The following IQSEC1 variants were observed in gnomAD, a reference collection of about 807,000 sequenced individuals.
IQSEC1 encodes IQ motif and Sec7 domain ArfGEF 1.
A neutral mutation model predicts 91.0 loss-of-function variants in IQSEC1; 31 were observed. The observed-to-expected ratio is 0.34, with a 90% CI of 0.26 to 0.46. The LOEUF (loss-of-function observed/expected upper bound fraction) is 0.46. Ranked by LOEUF, IQSEC1 falls within the 20% of genes least tolerant of loss-of-function variation. The probability of loss-of-function intolerance (pLI) is 1.00; values close to 1 mark genes in which losing one functional copy is unlikely to be tolerated. For synonymous variants in IQSEC1, 699 were observed against 662.6 expected, an observed-to-expected ratio of 1.05 and a Z score of -0.84; for missense variants, 1,388 against 1,575.6, an observed-to-expected ratio of 0.88 and a Z score of 2.02.
chr3:13,148,245 T>C (rs947345757), intron 2 of IQSEC1, among the ~76,000 whole-genome samples: 5 of 152,016 alleles, frequency 3.3e-5, no homozygotes, highest in South Asian at 2.1e-4. Context: ...GAGAGCACCA[T>C]AGAGACACTC....
At position 12,909,919 on chromosome 3, in the gene IQSEC1, G is replaced by C. The variant is rs1695404784; in HGVS notation, c.2417-485C>G. Among the ~76,000 whole-genome samples, 1 of 152,252 alleles carries C rather than the reference G, an allele frequency of 6.6e-6. No homozygotes were observed. Among genetic ancestry groups the C allele is most frequent in the Non-Finnish European group, 1.5e-5 (1 of 68,042 alleles). On this transcript the variant is annotated intron_variant, in intron 10 of 13. Coordinates refer to ENST00000613206, the MANE Select transcript of IQSEC1 (RefSeq NM_001134382.3). This position sits in a 1 kb window ranked among gnomAD's most constrained non-coding sequence, Gnocchi z 4.9. Reference sequence around the variant, plus strand: ...GGGGCTTTGGTCTCCTGGCGGTGCTGCTCCGGCAGTGGGAGTCACTGGCAG... The same window carrying C: ...GGGGCTTTGGTCTCCTGGCGGTGCTCCTCCGGCAGTGGGAGTCACTGGCAG...
chr3:13,109,704 A>G lies in IQSEC1; in HGVS notation c.302+54400T>C, dbSNP rs549883972. On this transcript the variant is annotated intron_variant, in intron 2 of 15. Coordinates refer to the IQSEC1 transcript ENST00000648114. Reference sequence around the variant, plus strand: ...TTCTCTTCCTTCACCTTCCACCATGAGTGGAAGCTCCCTGAGGCCTCCCTA... The same window carrying G: ...TTCTCTTCCTTCACCTTCCACCATGGGTGGAAGCTCCCTGAGGCCTCCCTA... Among the ~76,000 whole-genome samples, 32 of 151,256 alleles carry G rather than the reference A, an allele frequency of 2.1e-4. 1 individual carries two copies. The East Asian group carries it at 4.9e-3, about 23-fold the overall frequency.
chr3:12,978,003 T>G (rs1701269109), intron 1 of IQSEC1, among the ~76,000 whole-genome samples: 1 of 152,218 alleles, frequency 6.6e-6, no homozygotes, highest in South Asian at 2.1e-4. Context: ...TACTATGTGT[T>G]AGGCACTAGG....
chr3:13,007,127 T>C (rs1304083099), intron 1 of IQSEC1, among the ~76,000 whole-genome samples: 2 of 151,964 alleles, frequency 1.3e-5, no homozygotes, highest in African/African-American at 2.4e-5. Flanking sequence ...AAGGGTGGAG[T>C]GCAGGAGAGG....
chr3:13,264,885 T>C (rs1395497821), intron 1 of IQSEC1, among the ~76,000 whole-genome samples: 1 of 151,512 alleles, frequency 6.6e-6, no homozygotes, highest in African/African-American at 2.4e-5. Flanking sequence ...TCTCTCTGTC[T>C]CTCTCTGTCT....
chr3:12,982,535 C>T (rs1701515968), intron 1 of IQSEC1, among the ~76,000 whole-genome samples: 1 of 152,226 alleles, frequency 6.6e-6, no homozygotes, highest in African/African-American at 2.4e-5. Context: ...CTTTGAGAAA[C>T]ATTGCCATTA....
At chr3:12,901,668 G>T in intron 13 of IQSEC1, 146 bp from the exon 14 acceptor site, 1 of 717,250 alleles carries the variant, frequency 1.4e-6, no homozygotes, top group Admixed American at 2.7e-5. Context: ...GCTCAGTGAG[G>T]CTGGACTGGG....
At chr3:13,030,910 C>T (rs1703820018) in intron 1 of IQSEC1, among the ~76,000 whole-genome samples, 2 of 152,246 alleles carry the variant, frequency 1.3e-5, no homozygotes, top group African/African-American at 4.8e-5. Flanking sequence ...TCCACTTCCA[C>T]GCATGTTTCA....
In IQSEC1 at chr3:12,978,895, C is replaced by T. The variant is rs142824201; in HGVS notation, c.24-37030G>A. Among the ~76,000 whole-genome samples the T allele has an allele frequency of 9.2e-5, 14 of 152,170 alleles. No homozygotes were observed. In the East Asian group the frequency reaches 1.4e-3, roughly 15 times the overall value. ...GATTTGTGGCATGAATGGGAATTCA[C>T]CGGGTGGCCCAGCAGGATAAAGGCA... On this transcript the variant is annotated intron_variant, in intron 1 of 13. Transcript: ENST00000613206.
upstream of IQSEC1, among the ~76,000 whole-genome samples, chr3:13,076,451 G>A (rs773199069): frequency 2.6e-5 from 4 of 152,228 alleles, no homozygotes; most frequent in Non-Finnish European, 4.4e-5. Context: ...CATTCCTGCA[G>A]ATCGGCTCAC....
chr3:13,141,594 G>T (rs574978800), intron 2 of IQSEC1, among the ~76,000 whole-genome samples: 3 of 152,216 alleles, frequency 2.0e-5, no homozygotes, highest in African/African-American at 7.2e-5. Context: ...CAGGTGACCA[G>T]GGGAATTCAT....
At chr3:13,051,616 T>C (rs1038349808) in intron 1 of IQSEC1, among the ~76,000 whole-genome samples, 1 of 152,168 alleles carries the variant, frequency 6.6e-6, no homozygotes, top group Non-Finnish European at 1.5e-5. Context: ...TCAGTATCAA[T>C]TTACACGAAG....
At chr3:12,959,458 C>G (rs1262216219) in intron 1 of IQSEC1, among the ~76,000 whole-genome samples, 1 of 152,188 alleles carries the variant, frequency 6.6e-6, no homozygotes, top group Non-Finnish European at 1.5e-5. Context: ...GTTCTCCTAC[C>G]CTGACCCAGG....
chr3:13,028,518 A>G (rs984357059), intron 1 of IQSEC1, among the ~76,000 whole-genome samples: 1 of 152,208 alleles, frequency 6.6e-6, no homozygotes, highest in African/African-American at 2.4e-5. Flanking sequence ...AGAACTTGCT[A>G]AGGTGACCCC....
At chr3:13,050,067 G>A (rs1347442240) in intron 1 of IQSEC1, among the ~76,000 whole-genome samples, 5 of 78,334 alleles carry the variant, frequency 6.4e-5, no homozygotes, top group East Asian at 3.2e-4. Flanking sequence ...CCCACCCCCC[G>A]CCCCAGAAAT....
intron 1 of IQSEC1, among the ~76,000 whole-genome samples, chr3:13,013,821 A>G (rs1370555525): frequency 6.6e-6 from 1 of 152,220 alleles, no homozygotes; most frequent in Non-Finnish European, 1.5e-5. Flanking sequence ...GACTGAATTA[A>G]CAAATGAATG....
intron 2 of IQSEC1, among the ~76,000 whole-genome samples, chr3:13,083,392 C>T (rs1240475931): frequency 6.6e-6 from 1 of 152,220 alleles, no homozygotes; most frequent in Admixed American, 6.5e-5. Flanking sequence ...GTCAAGAAGA[C>T]GGGGCTTCAA....
At chr3:12,915,243 G>T in intron 7 of IQSEC1, 110 bp from the exon 8 acceptor site, 1 of 1,203,076 alleles carries the variant, frequency 8.3e-7, no homozygotes, top group Non-Finnish European at 1.2e-6. Context: ...CACCCAGCCA[G>T]TATGTGGGGT....
chr3:13,048,597 C>G (rs1576213713), intron 1 of IQSEC1, among the ~76,000 whole-genome samples: 2 of 152,206 alleles, frequency 1.3e-5, no homozygotes, highest in African/African-American at 4.8e-5. Context: ...TGCCATGGGT[C>G]GTCCCAGCTT....
Sources: allele counts gnomAD v4.1 joint callset (sites outside exome capture counted in the v4.1 genomes callset), GRCh38; gene constraint gnomAD v4.1.1; non-coding constraint Gnocchi (gnomAD v3.1); transcripts MANE v1.5; gene names NCBI Gene and HGNC (gene_info 2026-07-23, HGNC 2026-07-21).